Variants in KDM6A observed in about 807,000 individuals in gnomAD.
The protein encoded by KDM6A is lysine demethylase 6A, also known as lysine-specific demethylase 6A.
A neutral mutation model predicts 117.6 loss-of-function variants in KDM6A; 11 were observed. That is an observed-to-expected ratio of 0.09 (90% CI 0.06 to 0.15). The LOEUF (loss-of-function observed/expected upper bound fraction) is 0.15, where lower values mean the gene tolerates loss of function less well. Ranked by LOEUF, KDM6A falls within the 10% of genes least tolerant of loss-of-function variation. The pLI is 1.00. For missense variants in KDM6A, 799 were observed against 1,077.3 expected, an observed-to-expected ratio of 0.74 and a Z score of 3.62; for synonymous variants, 384 against 396.1, an observed-to-expected ratio of 0.97 and a Z score of 0.36.
intron 2 of KDM6A, among the ~76,000 whole-genome samples, chrX:44,883,539 A>AT (rs997934458): frequency 1.6e-4 from 18 of 109,836 alleles, no homozygotes; most frequent in Non-Finnish European, 2.7e-4. Context: ...TGCCTAGCTA[A>AT]TTTTTTTGAT....
intron 2 of KDM6A, among the ~76,000 whole-genome samples, chrX:44,880,589 G>A (rs943950290): frequency 1.8e-5 from 2 of 109,210 alleles, no homozygotes; most frequent in African/African-American, 6.7e-5. Flanking sequence ...TCAGGAGTTC[G>A]AGACCAGCCT....
chrX:44,930,310 A>AT (rs2036552266), intron 2 of KDM6A, among the ~76,000 whole-genome samples: 1 of 111,464 alleles, frequency 9.0e-6, no homozygotes, highest in African/African-American at 3.3e-5. Context: ...CTAATTTATC[A>AT]TTTTTTCTCT....
intron 18 of KDM6A, 48 bp from the exon 19 acceptor site, chrX:45,076,649 T>G: frequency 1.1e-6 from 1 of 946,906 alleles, no homozygotes; most frequent in Non-Finnish European, 1.5e-6. Context: ...TTTTTTTCTG[T>G]TTTCCAAATA....
chrX:44,938,519 C>T (rs373178952), intron 2 of KDM6A, among the ~76,000 whole-genome samples: 1 of 111,913 alleles, frequency 8.9e-6, no homozygotes, highest in South Asian at 3.7e-4. Flanking sequence ...TGAGGTTTAA[C>T]GAAAGAATCT....
intron 24 of KDM6A, among the ~76,000 whole-genome samples, chrX:45,084,359 A>G (rs1390123874): frequency 1.8e-5 from 2 of 112,042 alleles, no homozygotes; most frequent in African/African-American, 6.5e-5. Flanking sequence ...AATTGCCACA[A>G]TCGCAGCACT....
At chrX:44,955,638 AT>A (rs932603809) in intron 2 of KDM6A, among the ~76,000 whole-genome samples, 2 of 111,251 alleles carry the variant, frequency 1.8e-5, no homozygotes, top group African/African-American at 6.5e-5. Flanking sequence ...AACTGCTAAT[AT>A]TTCAGTGATT....
At chrX:44,998,779 TATA>T (rs1285745852) in intron 4 of KDM6A, among the ~76,000 whole-genome samples, 1 of 111,900 alleles carries the variant, frequency 8.9e-6, no homozygotes, top group Non-Finnish European at 1.9e-5. Flanking sequence ...AGCATAAAAA[TATA>T]ATAGTCTTCA....
At chrX:44,941,153 AAC>A (rs2037294282) in intron 2 of KDM6A, among the ~76,000 whole-genome samples, 1 of 112,133 alleles carries the variant, frequency 8.9e-6, no homozygotes, top group African/African-American at 3.3e-5. Flanking sequence ...TAATAAAAAA[AAC>A]AAGGTGGTAT....
At chrX:44,986,368 A>C (rs1409968113) in intron 4 of KDM6A, among the ~76,000 whole-genome samples, 1 of 111,041 alleles carries the variant, frequency 9.0e-6, no homozygotes, top group Non-Finnish European at 1.9e-5. Flanking sequence ...CAGCTCCTGG[A>C]TTCATTGATT....
At chrX:45,104,657 C>T (rs2046463349) in intron 27 of KDM6A, among the ~76,000 whole-genome samples, 1 of 111,362 alleles carries the variant, frequency 9.0e-6, no homozygotes, top group South Asian at 3.8e-4. Context: ...TCTCTAAATT[C>T]TTCTGTTCCA....
At chrX:44,962,243 A>G (rs1468356156) in intron 3 of KDM6A, among the ~76,000 whole-genome samples, 1 of 112,228 alleles carries the variant, frequency 8.9e-6, no homozygotes, top group Non-Finnish European at 1.9e-5. Flanking sequence ...ATGTTAGGTC[A>G]AGTGAATGTT....
chrX:44,999,307 A>T (rs1275449802), intron 4 of KDM6A, among the ~76,000 whole-genome samples: 1 of 112,099 alleles, frequency 8.9e-6, no homozygotes, highest in Admixed American at 9.4e-5. Flanking sequence ...CACTTGGACA[A>T]GGGAGGGGAA....
chrX:44,969,319 G>C lies in KDM6A; in HGVS notation c.335-5347G>C, dbSNP rs761851558. Among the ~76,000 whole-genome samples, 6 of 109,118 alleles carry C rather than the reference G, an allele frequency of 5.5e-5. No individual in the cohort carries two copies. The South Asian group carries it at 2.4e-3, about 44-fold the overall frequency. The allele number at this position is 109,118 out of a possible 115,157, so 94.8% of individuals were successfully genotyped here. On this transcript the variant is annotated intron_variant, in intron 3 of 29. Coordinates refer to ENST00000611820, the MANE Select transcript of KDM6A (RefSeq NM_001291415.2). ...CTTTGGTTGTTTCAATTCTTAAGCA[G>C]TTACAAATGGCCAGGGCAAGTTACA...
intron 5 of KDM6A, among the ~76,000 whole-genome samples, chrX:45,014,899 T>C (rs1287870947): frequency 9.0e-6 from 1 of 111,378 alleles, no homozygotes; most frequent in Non-Finnish European, 1.9e-5. Flanking sequence ...ATGTAAGAGA[T>C]ACTGTGCTAG....
chrX:44,993,128 G>T (rs1156614466), intron 4 of KDM6A, among the ~76,000 whole-genome samples: 1 of 111,614 alleles, frequency 9.0e-6, no homozygotes. Context: ...CAGAAATGGG[G>T]TTTGTAGACA....
intron 2 of KDM6A, among the ~76,000 whole-genome samples, chrX:44,914,463 A>T (rs1319149948): frequency 8.9e-6 from 1 of 111,802 alleles, no homozygotes; most frequent in African/African-American, 3.3e-5. Context: ...GAAGTTTTTT[A>T]TGTCTCAGAT....
intron 3 of KDM6A, among the ~76,000 whole-genome samples, chrX:44,974,318 C>T (rs1053334333): frequency 3.6e-5 from 4 of 111,155 alleles, no homozygotes; most frequent in Non-Finnish European, 7.5e-5. Context: ...TTAAAAAAAT[C>T]CTTTTCTAGC....
rs1324196019 is a variant in KDM6A, at chrX:45,065,296, A to C, written c.2079+1479A>C. Among the ~76,000 whole-genome samples, 3 of 111,979 alleles carry C rather than the reference A, an allele frequency of 2.7e-5. No homozygotes were observed. The Admixed American group carries it at 2.8e-4, about 11-fold the overall frequency. ...GGTGGCAAGCATGGCAGAACAGGACAGGCAAGGAGTGAGAAGAGAGAGAAA... is the reference window on the plus strand; with the variant it reads ...GGTGGCAAGCATGGCAGAACAGGACCGGCAAGGAGTGAGAAGAGAGAGAAA... On this transcript the variant is annotated intron_variant, in intron 17 of 29. Transcript: ENST00000611820.
chrX:45,078,437 A>G lies in KDM6A; in HGVS notation c.3026A>G (p.His1009Arg). ...NKRDAFFPPL[H>R]QFCTNPNNPV... ...CGTGATGCTTTCTTTCCTCCATTAC[A>G]TCAATTTTGTACAAATCCGAACAAC... is the stretch of plus-strand genomic sequence containing the variant. The change falls in exon 20 of 30, where the codon CAT (histidine) becomes CGT (arginine). Residue 1009 changes from histidine to arginine, a missense_variant. Physicochemically the swap from His to Arg is conservative, Grantham distance 29. Coordinates refer to ENST00000611820, the MANE Select transcript of KDM6A (RefSeq NM_001291415.2). 1 of 1,210,313 alleles carries G rather than the reference A, an allele frequency of 8.3e-7. No individual in the cohort carries two copies. The highest frequency in any genetic ancestry group is 1.1e-6 in the Non-Finnish European group (1 of 894,965).
Sources: allele counts gnomAD v4.1 joint callset (sites outside exome capture counted in the v4.1 genomes callset), GRCh38; gene constraint gnomAD v4.1.1; transcripts MANE v1.5; gene names NCBI Gene and HGNC (gene_info 2026-07-23, HGNC 2026-07-21).